Variants in SORCS3 observed in about 807,000 individuals in gnomAD.
The protein encoded by SORCS3 is VPS10 domain-containing receptor SorCS3.
A neutral mutation model predicts 146.3 loss-of-function variants in SORCS3; 57 were observed. The ratio of observed to expected loss-of-function variants is 0.39; its 90% CI spans 0.31 to 0.49. The LOEUF (loss-of-function observed/expected upper bound fraction) is 0.49, where lower values mean the gene tolerates loss of function less well. Among genes scored for constraint, SORCS3 ranks in the 20% least tolerant of loss-of-function variants. The probability of loss-of-function intolerance (pLI) is 0.92; values close to 1 mark genes in which losing one functional copy is unlikely to be tolerated. For synonymous variants in SORCS3, 653 were observed against 618.5 expected, an observed-to-expected ratio of 1.06 and a Z score of -0.83; for missense variants, 1,341 against 1,575.5, an observed-to-expected ratio of 0.85 and a Z score of 2.52.
At chr10:104,951,873 T>A (rs1173235921) in intron 3 of SORCS3, among the ~76,000 whole-genome samples, 1 of 152,196 alleles carries the variant, frequency 6.6e-6, no homozygotes, top group Non-Finnish European at 1.5e-5. Flanking sequence ...TAGTGTCCAC[T>A]TTTGTGGGCT....
At chr10:104,752,002 T>C (rs2016993875) in intron 1 of SORCS3, among the ~76,000 whole-genome samples, 1 of 139,140 alleles carries the variant, frequency 7.2e-6, no homozygotes, top group Non-Finnish European at 1.6e-5. Flanking sequence ...GTTTTCTGAT[T>C]AGTTGCCTTT....
Position 104,705,037 on chromosome 10 carries a change from A to G in SORCS3, c.627+63083A>G, listed in dbSNP as rs150771922. Reference sequence around the variant, plus strand: ...TTTCCCAACCCCAGATATGTCTATTATAGCCCATGTCTCAATAAATTGTAG... The same window carrying G: ...TTTCCCAACCCCAGATATGTCTATTGTAGCCCATGTCTCAATAAATTGTAG... On this transcript the variant is annotated intron_variant, in intron 1 of 26. Transcript: ENST00000369701. Among the ~76,000 whole-genome samples, 1,157 of 152,244 alleles carry G rather than the reference A, an allele frequency of 7.6e-3. 15 individuals are homozygous for G. The highest frequency in any genetic ancestry group is 0.027 in the African/African-American group (1,104 of 41,546).
intron 21 of SORCS3, 39 bp from the exon 22 acceptor site, chr10:105,247,180 A>C (rs754118872): frequency 8.2e-7 from 1 of 1,219,186 alleles, no homozygotes; most frequent in South Asian, 1.3e-5. Context: ...CTCTCTTCTC[A>C]CTCTCCCAGC....
intron 1 of SORCS3, among the ~76,000 whole-genome samples, chr10:104,723,148 G>A (rs139995534): frequency 0.018 from 2,754 of 152,236 alleles, 81 homozygotes; most frequent in African/African-American, 0.063. Context: ...ACACTGCTTT[G>A]AATGTGTCCC....
chr10:104,779,887 T>C (rs1589496328), intron 1 of SORCS3, among the ~76,000 whole-genome samples: 1 of 152,280 alleles, frequency 6.6e-6, no homozygotes, highest in Middle Eastern at 3.4e-3. Context: ...GGGCGGTGTA[T>C]GTCAGTGCTG....
intron 5 of SORCS3, among the ~76,000 whole-genome samples, chr10:105,063,479 C>T (rs2055501330): frequency 6.6e-6 from 1 of 152,202 alleles, no homozygotes; most frequent in Admixed American, 6.5e-5. Flanking sequence ...CCAGCCATCC[C>T]TACTGTCTCT....
At chr10:104,750,857 G>T (rs1429549901) in intron 1 of SORCS3, among the ~76,000 whole-genome samples, 3 of 151,980 alleles carry the variant, frequency 2.0e-5, no homozygotes. Flanking sequence ...GATACAATAA[G>T]CAAAAAAACT....
chr10:104,807,966 A>G (rs1200455804), intron 1 of SORCS3, among the ~76,000 whole-genome samples: 2 of 152,204 alleles, frequency 1.3e-5, no homozygotes, highest in South Asian at 2.1e-4. Context: ...GCATATTTAA[A>G]TGTATATTAT....
chr10:104,828,068 A>G (rs1359740663), intron 1 of SORCS3, among the ~76,000 whole-genome samples: 1 of 152,164 alleles, frequency 6.6e-6, no homozygotes, highest in African/African-American at 2.4e-5. Context: ...CCCTATCAGC[A>G]ATAAGGCTGT....
chr10:104,671,928 C>G (rs1029327547), intron 1 of SORCS3, among the ~76,000 whole-genome samples: 1 of 152,098 alleles, frequency 6.6e-6, no homozygotes, highest in African/African-American at 2.4e-5. Context: ...CTGGTCTATA[C>G]TTTTCTTTTC....
chr10:105,237,862 G>A (rs959283784), intron 20 of SORCS3, among the ~76,000 whole-genome samples: 16 of 152,174 alleles, frequency 1.1e-4, no homozygotes, highest in Non-Finnish European at 1.5e-4. Context: ...ACCTTGGAAG[G>A]TGATGTTTTA....
chr10:105,213,160 T>A (rs766905724), intron 17 of SORCS3, among the ~76,000 whole-genome samples: 18 of 152,116 alleles, frequency 1.2e-4, no homozygotes, highest in Non-Finnish European at 2.2e-4. Flanking sequence ...TAAGCTCAGT[T>A]GACAAAAAAG....
intron 3 of SORCS3, among the ~76,000 whole-genome samples, chr10:104,961,639 C>T (rs541750818): frequency 6.6e-6 from 1 of 152,254 alleles, no homozygotes; most frequent in East Asian, 1.9e-4. Flanking sequence ...TATGAAGTAG[C>T]AGAGGAATAC....
chr10:105,074,364 A>C (rs2055575948), intron 5 of SORCS3, among the ~76,000 whole-genome samples: 1 of 152,200 alleles, frequency 6.6e-6, no homozygotes, highest in African/African-American at 2.4e-5. Context: ...CCTTGTCGGA[A>C]TTTTGATCAT....
At chr10:104,695,312 C>T (rs191842991) in intron 1 of SORCS3, among the ~76,000 whole-genome samples, 23 of 151,438 alleles carry the variant, frequency 1.5e-4, no homozygotes, top group African/African-American at 5.6e-4. Flanking sequence ...GTGTGTGTCC[C>T]TAAGGATGTA....
At chr10:105,058,230 C>A (rs1398775480) in intron 5 of SORCS3, among the ~76,000 whole-genome samples, 1 of 152,130 alleles carries the variant, frequency 6.6e-6, no homozygotes, top group African/African-American at 2.4e-5. Flanking sequence ...CCAGTCTGAT[C>A]TATAAAAGGC....
chr10:105,190,668 C>G (rs1276936773), intron 14 of SORCS3, among the ~76,000 whole-genome samples: 1 of 152,116 alleles, frequency 6.6e-6, no homozygotes, highest in Non-Finnish European at 1.5e-5. Flanking sequence ...TCCCAAAGTG[C>G]TGGGATTTCA....
intron 16 of SORCS3, among the ~76,000 whole-genome samples, 160 bp downstream of exon 16, chr10:105,201,413 G>A (rs543795171): frequency 4.2e-4 from 64 of 152,284 alleles, no homozygotes; most frequent in South Asian, 2.9e-3. Flanking sequence ...TGGGCCAGAT[G>A]GGAAGTCTGC....
rs568833870 is a variant in SORCS3, at chr10:104,856,870, T to C, written c.695+14011T>C. Among the ~76,000 whole-genome samples, 424 of 144,698 alleles carry C rather than the reference T, an allele frequency of 2.9e-3. 2 individuals carry two copies. Among genetic ancestry groups the C allele is most frequent in the South Asian group, 0.018 (83 of 4,652 alleles). 94.9% of individuals were successfully genotyped at this position (144,698 alleles called of 152,430 possible). ...AATATATATTTATATATAAATAAAT[T>C]AGAGATATATATAGAGAGAAAGATG... On this transcript the variant is annotated intron_variant, in intron 2 of 26. Transcript: ENST00000369701.
Sources: gnomAD v4.1 joint callset for allele counts (sites outside exome capture counted in the v4.1 genomes callset) on GRCh38, gnomAD v4.1.1 for gene constraint, MANE v1.5 for transcripts, NCBI Gene and HGNC (gene_info 2026-07-23, HGNC 2026-07-21) for gene names.